The following FAM90A1 variants were observed in gnomAD, a reference collection of about 807,000 sequenced individuals.
FAM90A1 encodes the protein family with sequence similarity 90 member A1.
In FAM90A1, 10 loss-of-function variants were observed where a neutral mutation model predicts 14.8. The observed-to-expected ratio is 0.67, with a 90% CI of 0.42 to 1.14. The LOEUF (loss-of-function observed/expected upper bound fraction) is 1.14. FAM90A1 is among the 50% of genes most tolerant of loss of function. The pLI, the probability that FAM90A1 is intolerant of heterozygous loss-of-function variation, is 0.00. For synonymous variants in FAM90A1, 236 were observed against 248.4 expected, an observed-to-expected ratio of 0.95 and a Z score of 0.47; for missense variants, 567 against 602.8, an observed-to-expected ratio of 0.94 and a Z score of 0.62.
chr12:8,223,479 T>G lies in FAM90A1; in HGVS notation c.402A>C (p.Lys134Asn). Residue 134 changes from lysine (K) to asparagine (N), a missense_variant, in exon 6 of 7, where the codon AAA becomes AAC. Coordinates refer to ENST00000538603, the MANE Select transcript of FAM90A1 (RefSeq NM_018088.3). ...KPPEKPLPNQ[K>N]GSTESSDYLR... ...GATAATCAGAAGATTCCGTGGATCCTTTTTGATTTGGCAGCGGCTTCTCTG... is the reference window on the plus strand; with the variant it reads ...GATAATCAGAAGATTCCGTGGATCCGTTTTGATTTGGCAGCGGCTTCTCTG... The G allele has an allele frequency of 6.2e-7, 1 of 1,608,548 alleles. No individual in the cohort carries two copies. Among genetic ancestry groups the G allele is most frequent in the South Asian group, 1.1e-5 (1 of 90,922 alleles).
Position 8,222,389 on chromosome 12 carries a change from G to A in FAM90A1, c.828C>T (p.His276=), listed in dbSNP as rs77082465. Residue 276 remains histidine (H), a synonymous_variant, in exon 7 of 7, where the codon CAC becomes CAT. Transcript: ENST00000538603. ...TGAGATTGGAGCCTAGGCCCAAGCT[G>A]TGTGTGGCGGCTGGTGGGCAGGGCT... ...TSQPCPPAAT[H]SLGLGSNLSF... is the part of the protein sequence containing the mutation. 6.2e-7 allele frequency: 1 copy of A among 1,611,792 alleles called. No individual in the cohort carries two copies.
intron 6 of FAM90A1, 41 bp downstream of exon 6, chr12:8,223,408 C>T: frequency 8.0e-7 from 1 of 1,253,610 alleles, no homozygotes; most frequent in Non-Finnish European, 1.2e-6. Flanking sequence ...ACCAGGGTGA[C>T]CTAGAGGAGA....
intron 1 of FAM90A1, among the ~76,000 whole-genome samples, chr12:8,227,135 AT>A (rs1326151648): frequency 2.0e-5 from 3 of 151,800 alleles, no homozygotes; most frequent in Non-Finnish European, 4.4e-5. Flanking sequence ...GCCTCTTTTA[AT>A]TTTTCAAACG....
Position 8,224,693 on chromosome 12 carries a change from T to C in FAM90A1, c.123+17A>G, listed in dbSNP as rs1176316010. 1.1e-6 allele frequency: 1 copy of C among 922,280 alleles called. No homozygotes were observed. 57.1% of individuals were successfully genotyped at this position (922,280 alleles called of 1,614,324 possible). A position where few individuals can be genotyped will look rare whatever the true frequency, so the allele number is the denominator to read the frequency against. On this transcript the variant is annotated intron_variant, in intron 4 of 6. Transcript: ENST00000538603. The stretch of plus-strand genomic sequence containing the variant: ...CACCCCCACCCCAATACCCAAGAGA[T>C]CCAGGGCTAGACTTACCCTGGGATC...
chr12:8,227,613 G>A lies in FAM90A1; in HGVS notation c.-554C>T. The A allele has an allele frequency of 6.4e-7, 1 of 1,565,996 alleles. No homozygotes were observed. The highest frequency in any genetic ancestry group is 8.6e-7 in the Non-Finnish European group (1 of 1,163,082). Reference sequence around the variant, plus strand: ...GGAAGGGCCCGGATGGGGCCTGACTGGAGCTGCCGAGGGGTGGAGCTTCTG... The same window carrying A: ...GGAAGGGCCCGGATGGGGCCTGACTAGAGCTGCCGAGGGGTGGAGCTTCTG... On this transcript the variant is annotated 5_prime_UTR_variant, in exon 1 of 7. Transcript: ENST00000538603.
chr12:8,222,237 G>C lies in FAM90A1; in HGVS notation c.980C>G (p.Ala327Gly), dbSNP rs765302171. ...TGGCGGAGGTTGGAGATTCTCCGGG[G>C]CCCCCAGCTCACCTCCCTGGATGGC... ...ESAIQGGELG[A>G]PENLQPPPAA... Residue 327 changes from alanine (A) to glycine (G), a missense_variant, in exon 7 of 7, where the codon GCC becomes GGC. Ala to Gly is a moderately conservative substitution (Grantham distance 60, BLOSUM62 0). Coordinates refer to ENST00000538603, the MANE Select transcript of FAM90A1 (RefSeq NM_018088.3). 1.2e-6 allele frequency: 2 copies of C among 1,611,172 alleles called. No individual in the cohort carries two copies.
At chr12:8,223,078 CG>C (rs1948869365) in intron 6 of FAM90A1, among the ~76,000 whole-genome samples, 1 of 152,080 alleles carries the variant, frequency 6.6e-6, no homozygotes, top group African/African-American at 2.4e-5. Flanking sequence ...GAAGTGGAAC[CG>C]ACTGATGCCC....
rs1438313938 is a variant in FAM90A1, at chr12:8,224,950, C to T, written c.-56-62G>A. The T allele has an allele frequency of 3.8e-6, 5 of 1,306,704 alleles. No individual in the cohort carries two copies. In the Admixed American group the frequency reaches 7.3e-5, roughly 19 times the overall value. The allele number at this position is 1,306,704 out of a possible 1,614,324, so 80.9% of individuals were successfully genotyped here. A position where few individuals can be genotyped will look rare whatever the true frequency, so the allele number is the denominator to read the frequency against. On this transcript the variant is annotated intron_variant, in intron 3 of 6. Coordinates refer to ENST00000538603, the MANE Select transcript of FAM90A1 (RefSeq NM_018088.3). ...AGCACATTGGATATTCACACACCCA[C>T]AGGAAGCCCCCCGCTAATTCCTTGC... is the stretch of plus-strand genomic sequence containing the variant.
At chr12:8,225,788 C>CG (rs1491372498) in intron 3 of FAM90A1, 48 bp downstream of exon 3, 1 of 151,782 alleles carries the variant, frequency 6.6e-6, no homozygotes, top group Non-Finnish European at 1.5e-5. Context: ...TTTTCCCCCC[C>CG]ACCCCTCAGG....
rs143102996 is a variant in FAM90A1, at chr12:8,221,921, C to T, written c.1296G>A (p.Glu432=). ...CACGAACACAGGGACCCTCAGACTT[C>T]TCTGAGACATGAGGGCTCTGAGCGA... ...AFLAQSPHVS[E]KSEGPCVRVP... Residue 432 remains glutamate (E), a synonymous_variant, in exon 7 of 7, where the codon GAG becomes GAA. Coordinates refer to ENST00000538603, the MANE Select transcript of FAM90A1 (RefSeq NM_018088.3). The T allele has an allele frequency of 4.6e-5, 74 of 1,596,524 alleles. No individual in the cohort carries two copies. The African/African-American group carries it at 9.6e-4, about 21-fold the overall frequency.
In FAM90A1 at chr12:8,222,446, C is replaced by G; in HGVS notation, c.771G>C (p.Gln257His). Residue 257 changes from glutamine to histidine, a missense_variant, in exon 7 of 7, where the codon CAG becomes CAC. Gln to His is a conservative substitution (Grantham distance 24, BLOSUM62 0). Transcript: ENST00000538603. ...TCACCGCAGGACGTTTGTCTTGTGC[C>G]TGGGGGCTGACGGCCTGGAGCAGGC... is the stretch of plus-strand genomic sequence containing the variant. ...THGLLQAVSP[Q>H]AQDKRPAVTS... The G allele has an allele frequency of 3.1e-6, 5 of 1,597,216 alleles. No homozygotes were observed. The highest frequency in any genetic ancestry group is 4.3e-6 in the Non-Finnish European group (5 of 1,170,424).
rs1322801712 is a variant in FAM90A1 at position 8,225,984 on chromosome 12, T to C, written c.-205A>G. The C allele has an allele frequency of 3.9e-5, 6 of 152,248 alleles. No individual in the cohort carries two copies. Among genetic ancestry groups the C allele is most frequent in the Non-Finnish European group, 8.8e-5 (6 of 68,062 alleles). 9.4% of individuals were successfully genotyped at this position (152,248 alleles called of 1,614,324 possible). ...TTTCCAGGCTGCCTTTTATACTGCC[T>C]CTGGTCACCTGACGTGGAACGTACC... On this transcript the variant is annotated 5_prime_UTR_variant, in exon 3 of 7. Transcript: ENST00000538603.
At chr12:8,223,384 C>G in intron 6 of FAM90A1, 65 bp downstream of exon 6, 2 of 994,192 alleles carry the variant, frequency 2.0e-6, no homozygotes, top group Non-Finnish European at 3.2e-6. Context: ...AGACGGGAAG[C>G]TGAAAGGAAA....
rs1948943099 is a variant in FAM90A1 at position 8,226,341 on chromosome 12, A to C, written c.-283T>G. The C allele has an allele frequency of 1.3e-5, 2 of 152,252 alleles. No individual in the cohort carries two copies. The highest frequency in any genetic ancestry group is 2.9e-5 in the Non-Finnish European group (2 of 68,066). The allele number at this position is 152,252 out of a possible 1,614,324, so 9.4% of individuals were successfully genotyped here. A position where few individuals can be genotyped will look rare whatever the true frequency, so the allele number is the denominator to read the frequency against. On this transcript the variant is annotated 5_prime_UTR_variant, in exon 2 of 7. The change abolishes an upstream ATG in the 5' untranslated region. Coordinates refer to ENST00000538603, the MANE Select transcript of FAM90A1 (RefSeq NM_018088.3). ...TGTCATCATGGAGATTCTCCTTGACATGCAGTCACGGCCATGATCCATCTT... is the reference window on the plus strand; with the variant it reads ...TGTCATCATGGAGATTCTCCTTGACCTGCAGTCACGGCCATGATCCATCTT...
At position 8,225,881 on chromosome 12, in the gene FAM90A1, G is replaced by A. The variant is rs1372172100; in HGVS notation, c.-102C>T. On this transcript the variant is annotated 5_prime_UTR_variant, in exon 3 of 7. Transcript: ENST00000538603. ...TCTTTCCCCGGCTGGCGCTGAGATGGGCAGGTGCTGGAGCAGCCCCGCTGG... is the reference window on the plus strand; with the variant it reads ...TCTTTCCCCGGCTGGCGCTGAGATGAGCAGGTGCTGGAGCAGCCCCGCTGG... 6.6e-6 allele frequency: 1 copy of A among 152,174 alleles called. No homozygotes were observed. The highest frequency in any genetic ancestry group is 1.5e-5 in the Non-Finnish European group (1 of 68,040). The allele number at this position is 152,174 out of a possible 1,614,324, so 9.4% of individuals were successfully genotyped here. A position where few individuals can be genotyped will look rare whatever the true frequency, so the allele number is the denominator to read the frequency against.
chr12:8,224,914 G>T lies in FAM90A1; in HGVS notation c.-56-26C>A. 2.6e-6 allele frequency: 4 copies of T among 1,546,428 alleles called. No homozygotes were observed. The South Asian group carries it at 4.5e-5, about 17-fold the overall frequency. ...CTGAAACACACACAAACACACACAA[G>T]TCGATGGTTAAGCACATTGGATATT... On this transcript the variant is annotated intron_variant, in intron 3 of 6. Transcript: ENST00000538603.
At chr12:8,225,284 G>A (rs1302513681) in intron 3 of FAM90A1, among the ~76,000 whole-genome samples, 9 of 152,218 alleles carry the variant, frequency 5.9e-5, no homozygotes, top group African/African-American at 2.2e-4. Context: ...CCTTTGGCAG[G>A]TCTGTTTGAA....
At chr12:8,223,960 C>A (rs1948886227) in intron 5 of FAM90A1, 56 bp downstream of exon 5, 3 of 1,523,734 alleles carry the variant, frequency 2.0e-6, no homozygotes, top group Non-Finnish European at 2.7e-6. Context: ...TGCAGAGACA[C>A]CATGTCCTTA....
intron 4 of FAM90A1, 98 bp from the exon 5 acceptor site, chr12:8,224,313 A>G (rs1948893913): frequency 3.7e-6 from 4 of 1,073,226 alleles, no homozygotes; most frequent in Non-Finnish European, 5.6e-6. Flanking sequence ...AGAGCTGAAT[A>G]AGGATTCCAA....
Sources: allele counts gnomAD v4.1 joint callset (sites outside exome capture counted in the v4.1 genomes callset), GRCh38; gene constraint gnomAD v4.1.1; transcripts MANE v1.5; gene names NCBI Gene and HGNC (gene_info 2026-07-23, HGNC 2026-07-21).